Variants in RYR2 observed in about 807,000 individuals in gnomAD.
The protein encoded by RYR2 is cardiac muscle ryanodine receptor-calcium release channel.
Under a neutral mutation model 601.1 loss-of-function variants are expected in RYR2, and 227 were observed. That is an observed-to-expected ratio of 0.38 (90% CI 0.34 to 0.42). The LOEUF (loss-of-function observed/expected upper bound fraction) is 0.42, where lower values mean the gene tolerates loss of function less well. Ranked by LOEUF, RYR2 falls within the 10% of genes least tolerant of loss-of-function variation. The pLI, the probability that RYR2 is intolerant of heterozygous loss-of-function variation, is 1.00. For synonymous variants in RYR2, 2,223 were observed against 2,175.1 expected (o/e 1.02, Z -0.61); for missense variants, 4,646 against 6,156.5 (o/e 0.75, Z 8.21).
At chr1:237,554,504 C>G (rs1670698528) in intron 27 of RYR2, among the ~76,000 whole-genome samples, 1 of 151,802 alleles carries the variant, frequency 6.6e-6, no homozygotes, top group Non-Finnish European at 1.5e-5. Context: ...ATCTAGCTTC[C>G]TAAGTAGGAA....
chr1:237,481,740 C>A (rs1338515808), intron 17 of RYR2, among the ~76,000 whole-genome samples: 2 of 148,998 alleles, frequency 1.3e-5, no homozygotes, highest in Admixed American at 1.4e-4. Flanking sequence ...TGCACAGGCC[C>A]AGATACAAAT....
intron 71 of RYR2, among the ~76,000 whole-genome samples, chr1:237,716,329 A>G (rs937822547): frequency 2.0e-5 from 3 of 152,086 alleles, no homozygotes; most frequent in African/African-American, 7.2e-5. Context: ...CAATGTATTT[A>G]TATTTATAAA....
At chr1:237,145,010 T>C (rs1166884467) in intron 1 of RYR2, among the ~76,000 whole-genome samples, 1 of 151,658 alleles carries the variant, frequency 6.6e-6, no homozygotes, top group Non-Finnish European at 1.5e-5. Context: ...AGCTCTGGAG[T>C]TGAACAATGA....
At chr1:237,814,635 C>T (rs1454152893) in intron 100 of RYR2, among the ~76,000 whole-genome samples, 1 of 151,866 alleles carries the variant, frequency 6.6e-6, no homozygotes, top group Non-Finnish European at 1.5e-5. Context: ...ATTTGAACCT[C>T]CTCTACAAGA....
intron 1 of RYR2, among the ~76,000 whole-genome samples, chr1:237,077,849 A>G (rs1270820453): frequency 6.7e-6 from 1 of 149,188 alleles, no homozygotes; most frequent in African/African-American, 2.4e-5. Context: ...CACCACACCT[A>G]TTCCAAAATT....
chr1:237,140,173 T>C (rs1386367498), intron 1 of RYR2, among the ~76,000 whole-genome samples: 1 of 152,230 alleles, frequency 6.6e-6, no homozygotes, highest in Admixed American at 6.5e-5. Flanking sequence ...ACCTAACGTC[T>C]TTTTTGGCTT....
intron 99 of RYR2, among the ~76,000 whole-genome samples, chr1:237,806,955 A>G (rs191113649): frequency 2.6e-5 from 4 of 152,308 alleles, no homozygotes; most frequent in Admixed American, 2.6e-4. Context: ...TCAAGTGTCC[A>G]CTGGGTGGCG....
intron 24 of RYR2, among the ~76,000 whole-genome samples, chr1:237,522,811 A>G (rs1001136678): frequency 6.6e-6 from 1 of 152,184 alleles, no homozygotes; most frequent in South Asian, 2.1e-4. Context: ...CTAAAATGCT[A>G]CATTACCAAT....
intron 11 of RYR2, among the ~76,000 whole-genome samples, chr1:237,420,665 A>C (rs555621707): frequency 1.3e-5 from 2 of 152,288 alleles, no homozygotes; most frequent in Admixed American, 6.5e-5. Context: ...TTCTACCAGA[A>C]TCCTCTTAGA....
At chr1:237,715,859 T>C (rs1689226640) in intron 71 of RYR2, among the ~76,000 whole-genome samples, 1 of 152,192 alleles carries the variant, frequency 6.6e-6, no homozygotes, top group Admixed American at 6.5e-5. Context: ...GGCAATTATT[T>C]TTATCATTTT....
intron 56 of RYR2, among the ~76,000 whole-genome samples, chr1:237,662,037 T>G (rs1683851594): frequency 1.3e-5 from 2 of 152,152 alleles, no homozygotes; most frequent in Admixed American, 1.3e-4. Flanking sequence ...TTGTTTATTA[T>G]TGCTATTTAC....
At position 237,507,305 on chromosome 1, in the gene RYR2, T is replaced by C. The variant is rs555618070; in HGVS notation, c.2718+491T>C. On this transcript the variant is annotated intron_variant, in intron 23 of 104. Transcript: ENST00000366574. ...TAGAATGAAGACTGAGAAACCATGA[T>C]TGCACATGCTTCTAAATGATACTTT... Among the ~76,000 whole-genome samples the C allele has an allele frequency of 3.3e-5, 5 of 152,358 alleles. No individual in the cohort carries two copies. In the South Asian group the frequency reaches 1.0e-3, roughly 32 times the overall value.
chr1:237,749,241 C>G (rs527968660), intron 80 of RYR2, among the ~76,000 whole-genome samples: 20 of 152,286 alleles, frequency 1.3e-4, no homozygotes, highest in Non-Finnish European at 1.5e-5. Context: ...AGAGCAGACA[C>G]TCAGATGGAC....
intron 14 of RYR2, among the ~76,000 whole-genome samples, 186 bp from the exon 15 acceptor site, chr1:237,454,205 A>C (rs1481949764): frequency 1.3e-5 from 2 of 152,254 alleles, no homozygotes; most frequent in African/African-American, 4.8e-5. Context: ...TTATAACATA[A>C]CATTGCACAG....
At chr1:237,046,022 C>T (rs1433266773) in intron 1 of RYR2, among the ~76,000 whole-genome samples, 1 of 151,918 alleles carries the variant, frequency 6.6e-6, no homozygotes. Flanking sequence ...TAAGAATGAT[C>T]CTGATAGGAA....
chr1:237,772,365 T>A (rs1211747380), intron 86 of RYR2, among the ~76,000 whole-genome samples: 3 of 152,206 alleles, frequency 2.0e-5, no homozygotes, highest in Non-Finnish European at 4.4e-5. Flanking sequence ...TTTAAAGTCA[T>A]TTTCATTTTG....
intron 100 of RYR2, among the ~76,000 whole-genome samples, chr1:237,810,588 CT>C (rs1661145535): frequency 6.6e-6 from 1 of 151,984 alleles, no homozygotes; most frequent in Non-Finnish European, 1.5e-5. Context: ...TATATATATC[CT>C]TTGACCTATT....
intron 1 of RYR2, among the ~76,000 whole-genome samples, chr1:237,196,003 A>G (rs1460410482): frequency 1.3e-5 from 2 of 152,234 alleles, no homozygotes; most frequent in Non-Finnish European, 2.9e-5. Context: ...GTTGTAAAAC[A>G]TTTGGGTATT....
chr1:237,789,963 C>T (rs879382520), intron 92 of RYR2, among the ~76,000 whole-genome samples: 20 of 152,162 alleles, frequency 1.3e-4, no homozygotes, highest in Admixed American at 2.6e-4. Flanking sequence ...TAAGCTCTGG[C>T]AGTAAAGATG....
Sources: allele counts gnomAD v4.1 joint callset (sites outside exome capture counted in the v4.1 genomes callset), GRCh38; gene constraint gnomAD v4.1.1; transcripts MANE v1.5; gene names NCBI Gene and HGNC (gene_info 2026-07-23, HGNC 2026-07-21).